Variants in SDK1 observed in about 807,000 individuals in gnomAD.
SDK1 encodes protein sidekick-1.
SDK1 carries 157 observed loss-of-function variants against 245.5 expected under a neutral mutation model. The observed-to-expected ratio is 0.64, with a 90% CI of 0.56 to 0.73. The LOEUF (loss-of-function observed/expected upper bound fraction) is 0.73. SDK1 is among the 30% of genes least tolerant of loss of function. The pLI is 0.00. For synonymous variants in SDK1, 1,647 were observed against 1,278.5 expected (o/e 1.29, Z -6.15); for missense variants, 3,583 against 3,002.3 (o/e 1.19, Z -4.52).
At chr7:3,918,369 A>G (rs1020644533) in intron 5 of SDK1, among the ~76,000 whole-genome samples, 1 of 152,168 alleles carries the variant, frequency 6.6e-6, no homozygotes, top group Admixed American at 6.5e-5. Context: ...CCCCTGTCAG[A>G]TCAGCGGCTG....
chr7:3,615,160 G>A (rs146900667), intron 1 of SDK1, among the ~76,000 whole-genome samples: 3 of 151,536 alleles, frequency 2.0e-5, no homozygotes, highest in African/African-American at 7.3e-5. Flanking sequence ...CATTCGTGTA[G>A]GACACTGGAA....
intron 4 of SDK1, among the ~76,000 whole-genome samples, chr7:3,756,862 GATATC>G (rs1272076395): frequency 6.6e-6 from 1 of 152,178 alleles, no homozygotes; most frequent in Non-Finnish European, 1.5e-5. Flanking sequence ...CCCTTTTGAT[GATATC>G]ATATCGGGGG....
intron 22 of SDK1, among the ~76,000 whole-genome samples, chr7:4,089,474 C>T (rs1562793398): frequency 3.9e-5 from 6 of 152,212 alleles, no homozygotes; most frequent in South Asian, 4.1e-4. Context: ...TCCCGGGCTG[C>T]TATTCTCCAG....
At chr7:4,019,015 G>T (rs1198133982) in intron 17 of SDK1, among the ~76,000 whole-genome samples, 1 of 152,152 alleles carries the variant, frequency 6.6e-6, no homozygotes, top group East Asian at 1.9e-4. Flanking sequence ...TTCCAGGGTT[G>T]TGCCTTCCAG....
intron 4 of SDK1, among the ~76,000 whole-genome samples, chr7:3,698,510 CAG>C (rs1784640632): frequency 6.6e-6 from 1 of 152,154 alleles, no homozygotes; most frequent in African/African-American, 2.4e-5. Flanking sequence ...CCTCCTCACT[CAG>C]AGCGTCAGTG....
chr7:4,211,525 A>G (rs945337240), intron 38 of SDK1, among the ~76,000 whole-genome samples: 1 of 152,170 alleles, frequency 6.6e-6, no homozygotes, highest in East Asian at 1.9e-4. Context: ...GGTTGCGGGC[A>G]GGTGGCTCTG....
At chr7:4,238,468 G>T (rs1414228102) in intron 42 of SDK1, among the ~76,000 whole-genome samples, 1 of 152,094 alleles carries the variant, frequency 6.6e-6, no homozygotes, top group Non-Finnish European at 1.5e-5. Flanking sequence ...GGAGGCTAAG[G>T]CTGAGGATCA....
At chr7:3,610,954 T>C (rs958860399) in intron 1 of SDK1, among the ~76,000 whole-genome samples, 4 of 152,238 alleles carry the variant, frequency 2.6e-5, no homozygotes, top group African/African-American at 9.6e-5. Context: ...GAGTACAAAA[T>C]GATGACTTTG....
chr7:3,629,306 A>C (rs936051086), intron 2 of SDK1, among the ~76,000 whole-genome samples: 7 of 88,166 alleles, frequency 7.9e-5, no homozygotes, highest in African/African-American at 1.2e-4. Context: ...GTCTCAAAAA[A>C]AAAAAGAAAA....
chr7:4,010,733 T>C (rs1785879421), intron 14 of SDK1, among the ~76,000 whole-genome samples: 1 of 152,074 alleles, frequency 6.6e-6, no homozygotes, highest in Non-Finnish European at 1.5e-5. Flanking sequence ...CACAAAAAAA[T>C]CCTTTTGCTC....
At chr7:3,652,422 G>A (rs1783038532) in intron 4 of SDK1, among the ~76,000 whole-genome samples, 1 of 152,214 alleles carries the variant, frequency 6.6e-6, no homozygotes, top group African/African-American at 2.4e-5. Context: ...CGGCCTTCAT[G>A]GTGGCATGCG....
At chr7:3,692,907 T>C (rs1054653177) in intron 4 of SDK1, among the ~76,000 whole-genome samples, 3 of 152,036 alleles carry the variant, frequency 2.0e-5, no homozygotes, top group African/African-American at 7.2e-5. Context: ...ATTAATATGA[T>C]AGATAAAGGT....
intron 4 of SDK1, among the ~76,000 whole-genome samples, chr7:3,800,366 C>CTTATTTATTTATTTATTTAT (rs574004354): frequency 5.4e-5 from 8 of 148,214 alleles, no homozygotes; most frequent in East Asian, 3.9e-4. Flanking sequence ...TACTTACTTA[C>CTTATTTATTTATTTATTTAT]TTACTTATTT....
intron 5 of SDK1, among the ~76,000 whole-genome samples, chr7:3,871,537 G>A (rs901571583): frequency 3.3e-5 from 5 of 152,232 alleles, no homozygotes; most frequent in Non-Finnish European, 7.3e-5. Flanking sequence ...GGTTCTGTAG[G>A]CTGTGCAGGA....
chr7:3,348,777 GAAATA>G (rs1470016387), intron 1 of SDK1, among the ~76,000 whole-genome samples: 6 of 152,232 alleles, frequency 3.9e-5, no homozygotes, highest in Non-Finnish European at 5.9e-5. Flanking sequence ...CTGATCAAGT[GAAATA>G]AAATAAAAAG....
chr7:4,062,740 C>T (rs1779618520), intron 19 of SDK1, among the ~76,000 whole-genome samples: 1 of 152,092 alleles, frequency 6.6e-6, no homozygotes, highest in African/African-American at 2.4e-5. Context: ...AACAGCACGT[C>T]AGAAATATAA....
At position 4,202,987 on chromosome 7, in the gene SDK1, C is replaced by G. The variant is rs1198971104; in HGVS notation, c.5099-2892C>G. Among the ~76,000 whole-genome samples, 2 of 152,210 alleles carry G rather than the reference C, an allele frequency of 1.3e-5. 1 individual carries two copies. The highest frequency in any genetic ancestry group is 1.3e-4 in the Admixed American group (2 of 15,284). On this transcript the variant is annotated intron_variant, in intron 35 of 44. Coordinates refer to ENST00000404826, the MANE Select transcript of SDK1 (RefSeq NM_152744.4). ...AGTCAGGGCAGCCACTGTGTCCCAGCGGCTGCTTTTGATCCAGCTGAAGCT... is the reference window on the plus strand; with the variant it reads ...AGTCAGGGCAGCCACTGTGTCCCAGGGGCTGCTTTTGATCCAGCTGAAGCT...
At chr7:3,509,098 G>A (rs1782494720) in intron 1 of SDK1, among the ~76,000 whole-genome samples, 1 of 149,832 alleles carries the variant, frequency 6.7e-6, no homozygotes, top group Non-Finnish European at 1.5e-5. Context: ...GTGTGTGTGT[G>A]TATGTATGTA....
intron 1 of SDK1, among the ~76,000 whole-genome samples, chr7:3,456,165 C>A (rs1177491258): frequency 6.6e-6 from 1 of 152,118 alleles, no homozygotes; most frequent in Non-Finnish European, 1.5e-5. Context: ...TCTTTTTCTT[C>A]AGTTTTTATT....
Sources: allele counts gnomAD v4.1 joint callset (sites outside exome capture counted in the v4.1 genomes callset), GRCh38; gene constraint gnomAD v4.1.1; transcripts MANE v1.5; gene names NCBI Gene and HGNC (gene_info 2026-07-23, HGNC 2026-07-21).